CNTNAP4: variants seen among roughly 807,000 people sequenced by gnomAD.
CNTNAP4 encodes contactin-associated protein-like 4.
In CNTNAP4, 98 loss-of-function variants were observed where a neutral mutation model predicts 148.4. The ratio of observed to expected loss-of-function variants is 0.66; its 90% CI spans 0.56 to 0.78. The LOEUF (loss-of-function observed/expected upper bound fraction) is 0.78. Ranked by LOEUF, CNTNAP4 falls within the 30% of genes least tolerant of loss-of-function variation. The pLI is 0.00. For synonymous variants in CNTNAP4, 730 were observed against 565.1 expected (o/e 1.29, Z -4.14); for missense variants, 1,935 against 1,565.6 (o/e 1.24, Z -3.98).
intron 15 of CNTNAP4, among the ~76,000 whole-genome samples, chr16:76,500,997 G>A (rs1003839001): frequency 6.6e-6 from 1 of 152,092 alleles, no homozygotes; most frequent in Admixed American, 6.5e-5. Flanking sequence ...GAATAAGAGG[G>A]AATCTGATAA....
intron 3 of CNTNAP4, among the ~76,000 whole-genome samples, chr16:76,370,998 G>C (rs1003241083): frequency 6.7e-6 from 1 of 149,374 alleles, no homozygotes; most frequent in Non-Finnish European, 1.5e-5. Context: ...TGTCCTGAAA[G>C]AAGGGAATCC....
chr16:76,334,350 G>A (rs1209213739), intron 2 of CNTNAP4, among the ~76,000 whole-genome samples: 2 of 151,858 alleles, frequency 1.3e-5, no homozygotes, highest in Non-Finnish European at 2.9e-5. Flanking sequence ...TTTGCAGATT[G>A]GGTCTGTGTT....
In CNTNAP4 at chr16:76,350,462, A is replaced by T. The variant is rs2144446960; in HGVS notation, c.197-4856A>T. ...GTGCTTAGCATACAATAGGCACTGG[A>T]TAATTTTTAGTTTGCTTTTCTTACA... On this transcript the variant is annotated intron_variant, in intron 2 of 23. Coordinates refer to ENST00000611870, the MANE Select transcript of CNTNAP4 (RefSeq NM_033401.5). Among the ~76,000 whole-genome samples the T allele has an allele frequency of 2.0e-5, 3 of 152,298 alleles. No homozygotes were observed. In the South Asian group the frequency reaches 6.2e-4, roughly 32 times the overall value.
At chr16:76,349,102 C>G (rs1965159357) in intron 2 of CNTNAP4, among the ~76,000 whole-genome samples, 1 of 152,090 alleles carries the variant, frequency 6.6e-6, no homozygotes, top group Non-Finnish European at 1.5e-5. Flanking sequence ...CACAGCAGGA[C>G]CTAGCGGTCC....
chr16:76,332,625 C>T (rs569877440), intron 2 of CNTNAP4, among the ~76,000 whole-genome samples: 1 of 152,046 alleles, frequency 6.6e-6, no homozygotes, highest in South Asian at 2.1e-4. Context: ...TTCTTTCAGC[C>T]ATTCTCTCTC....
chr16:76,552,539 G>A (rs1362038660), intron 21 of CNTNAP4, among the ~76,000 whole-genome samples: 1 of 152,132 alleles, frequency 6.6e-6, no homozygotes, highest in Non-Finnish European at 1.5e-5. Flanking sequence ...CGTTCCACAA[G>A]AGTCTCATAC....
intron 8 of CNTNAP4, among the ~76,000 whole-genome samples, chr16:76,460,981 T>G (rs1431897163): frequency 6.6e-6 from 1 of 151,586 alleles, no homozygotes; most frequent in Non-Finnish European, 1.5e-5. Context: ...TCTTGTTTTA[T>G]GTGTGTTTCT....
chr16:76,521,425 C>G, intron 16 of CNTNAP4, 115 bp downstream of exon 16: 1 of 815,438 alleles, frequency 1.2e-6, no homozygotes, highest in Non-Finnish European at 1.8e-6. Context: ...TTTCATTGCG[C>G]CCCTTTGAAA....
chr16:76,346,975 A>G (rs1273953814), intron 2 of CNTNAP4, among the ~76,000 whole-genome samples: 1 of 152,162 alleles, frequency 6.6e-6, no homozygotes, highest in Non-Finnish European at 1.5e-5. Context: ...ACTAAAACAG[A>G]AGACAATTTA....
At chr16:76,345,747 G>A (rs1275455161) in intron 2 of CNTNAP4, among the ~76,000 whole-genome samples, 3 of 152,160 alleles carry the variant, frequency 2.0e-5, no homozygotes, top group Non-Finnish European at 4.4e-5. Context: ...TTGTAAAACT[G>A]GCAAGAGGCT....
Position 76,474,296 on chromosome 16 carries a change from TG to T in CNTNAP4, c.1656-1640del, listed in dbSNP as rs1343641207. 3.3e-5 allele frequency among the ~76,000 whole-genome samples: 5 copies of T among 152,114 alleles called. No individual in the cohort carries two copies. In the East Asian group the frequency reaches 9.7e-4, roughly 29 times the overall value. Reference sequence around the variant, plus strand: ...CTGGGTTGTAAAAGTGGCAAGTGGCTGGGAGAAGATTTACATCTGAAGGGGA... The same window carrying T: ...CTGGGTTGTAAAAGTGGCAAGTGGCTGGAGAAGATTTACATCTGAAGGGGA... On this transcript the variant is annotated intron_variant, in intron 10 of 23. Coordinates refer to ENST00000611870, the MANE Select transcript of CNTNAP4 (RefSeq NM_033401.5).
intron 1 of CNTNAP4, among the ~76,000 whole-genome samples, chr16:76,284,994 T>C (rs1157256932): frequency 6.6e-6 from 1 of 152,044 alleles, no homozygotes. Context: ...TCATAGTTAG[T>C]TCATAGTTAC....
chr16:76,277,945 G>A (rs1384173453), intron 1 of CNTNAP4, among the ~76,000 whole-genome samples, 198 bp downstream of exon 1: 2 of 152,186 alleles, frequency 1.3e-5, no homozygotes, highest in Non-Finnish European at 2.9e-5. Context: ...TAGGCAAAGT[G>A]TCATTTCTCT....
intron 1 of CNTNAP4, among the ~76,000 whole-genome samples, chr16:76,283,582 C>G (rs151312513): frequency 1.3e-5 from 2 of 152,016 alleles, no homozygotes; most frequent in African/African-American, 4.8e-5. Flanking sequence ...ACTGCATGTT[C>G]TCACTTATAA....
At chr16:76,440,668 G>C (rs2080000662) in intron 4 of CNTNAP4, among the ~76,000 whole-genome samples, 1 of 152,254 alleles carries the variant, frequency 6.6e-6, no homozygotes, top group East Asian at 1.9e-4. Context: ...CTGTATTCCT[G>C]TTCCAGGTTA....
In CNTNAP4 at chr16:76,448,803, A is replaced by T. The variant is rs146416107; in HGVS notation, c.779A>T (p.Asn260Ile). The T allele has an allele frequency of 2.5e-6, 4 of 1,611,188 alleles. No individual in the cohort carries two copies. Among genetic ancestry groups the T allele is most frequent in the South Asian group, 1.1e-5 (1 of 90,350 alleles). Residue 260 changes from asparagine (N) to isoleucine (I), a missense_variant, in exon 6 of 24, where the codon AAT becomes ATT. Asn to Ile is a moderately radical substitution (Grantham distance 149). Coordinates refer to ENST00000611870, the MANE Select transcript of CNTNAP4 (RefSeq NM_033401.5). ...CTGCCTTCCACTTCCACCCTGGTCA[A>T]TCTCACCCTGGGCAGCCTGCTAGAT... is the stretch of plus-strand genomic sequence containing the variant. ...AKLPSTSTLV[N>I]LTLGSLLDDQ...
chr16:76,407,471 A>G (rs2144888079), intron 3 of CNTNAP4, among the ~76,000 whole-genome samples: 1 of 152,090 alleles, frequency 6.6e-6, no homozygotes, highest in South Asian at 2.1e-4. Context: ...GAGAGAAGGT[A>G]AAAATATCAG....
At chr16:76,424,591 TA>T (rs1485382688) in intron 3 of CNTNAP4, among the ~76,000 whole-genome samples, 7 of 151,822 alleles carry the variant, frequency 4.6e-5, no homozygotes, top group African/African-American at 1.4e-4. Flanking sequence ...CCATCTCTAG[TA>T]AAAATGCAGA....
At chr16:76,279,939 G>A (rs1205104241) in intron 1 of CNTNAP4, among the ~76,000 whole-genome samples, 2 of 152,110 alleles carry the variant, frequency 1.3e-5, no homozygotes, top group Non-Finnish European at 2.9e-5. Flanking sequence ...CTTTTTGGAA[G>A]GACAAGTGTA....
Sources: allele counts gnomAD v4.1 joint callset (sites outside exome capture counted in the v4.1 genomes callset), GRCh38; gene constraint gnomAD v4.1.1; transcripts MANE v1.5; gene names NCBI Gene and HGNC (gene_info 2026-07-23, HGNC 2026-07-21).